PRKD2: variants seen among roughly 807,000 people sequenced by gnomAD.
PRKD2 encodes the protein serine/threonine-protein kinase D2.
PRKD2 carries 22 observed loss-of-function variants against 86.0 expected under a neutral mutation model. That is an observed-to-expected ratio of 0.26 (90% CI 0.18 to 0.37). The LOEUF (loss-of-function observed/expected upper bound fraction) is 0.37. PRKD2 is among the 10% of genes least tolerant of loss of function. PRKD2 has a pLI of 1.00. For missense variants in PRKD2, 818 were observed against 1,199.2 expected, an observed-to-expected ratio of 0.68 and a Z score of 4.70; for synonymous variants, 509 against 510.9, an observed-to-expected ratio of 1.00 and a Z score of 0.05.
intron 3 of PRKD2, among the ~76,000 whole-genome samples, chr19:46,706,762 C>T (rs1052198905): frequency 2.0e-5 from 3 of 151,974 alleles, no homozygotes; most frequent in Non-Finnish European, 2.9e-5. Context: ...GGTGTGTGGA[C>T]GATGGCAATA....
intron 16 of PRKD2, among the ~76,000 whole-genome samples, chr19:46,675,610 A>C (rs180705619): frequency 1.3e-5 from 2 of 152,160 alleles, no homozygotes; most frequent in Non-Finnish European, 2.9e-5. Flanking sequence ...TGTCCTGCTA[A>C]CTTTTTGTAT....
chr19:46,703,958 A>ACACAC (rs1555830818), intron 5 of PRKD2, among the ~76,000 whole-genome samples: 9 of 133,658 alleles, frequency 6.7e-5, no homozygotes, highest in African/African-American at 2.3e-4. Flanking sequence ...AAACAACAAC[A>ACACAC]ACACACACAC....
At chr19:46,703,858 C>T (rs1391944881) in intron 5 of PRKD2, among the ~76,000 whole-genome samples, 3 of 151,312 alleles carry the variant, frequency 2.0e-5, no homozygotes, top group Non-Finnish European at 2.9e-5. Flanking sequence ...GCAGGAGGAT[C>T]ACTTGAACCC....
At chr19:46,697,348 C>T (rs79552142) in intron 8 of PRKD2, 114 bp from the exon 9 acceptor site, 18,174 of 756,416 alleles carry the variant, frequency 0.024, 336 homozygotes, top group Middle Eastern at 0.04. Flanking sequence ...CGCCGTAACT[C>T]TAGCACCTAC....
At chr19:46,687,563 G>A (rs564973385) in intron 14 of PRKD2, among the ~76,000 whole-genome samples, 74 of 152,292 alleles carry the variant, frequency 4.9e-4, no homozygotes, top group African/African-American at 1.8e-3. Flanking sequence ...AACCATAAAA[G>A]GGGATTGATA....
At chr19:46,710,843 A>G (rs1414758542) in intron 3 of PRKD2, 64 bp downstream of exon 3, 2 of 1,482,250 alleles carry the variant, frequency 1.3e-6, no homozygotes, top group South Asian at 1.3e-5. Flanking sequence ...TGCCAGGACC[A>G]TTACGCTCCG....
intron 15 of PRKD2, among the ~76,000 whole-genome samples, chr19:46,679,194 T>C (rs758120871): frequency 4.0e-5 from 6 of 151,800 alleles, no homozygotes; most frequent in Admixed American, 1.3e-4. Context: ...AATACAAAAA[T>C]TAGCACACGC....
rs567837348 is a variant in PRKD2 at position 46,713,734 on chromosome 19, G to A, written c.379+129C>T. Reference sequence around the variant, plus strand: ...CCCAGCTCCAGCTCAGCCTCCCAAAGTGCTGGGATCACAGGCGTGAGCCAC... The same window carrying A: ...CCCAGCTCCAGCTCAGCCTCCCAAAATGCTGGGATCACAGGCGTGAGCCAC... On this transcript the variant is annotated intron_variant, in intron 2 of 17. Transcript: ENST00000291281. The A allele has an allele frequency of 6.2e-5, 56 of 907,564 alleles. 2 individuals carry two copies. In the South Asian group the frequency reaches 9.7e-4, roughly 16 times the overall value. The allele number at this position is 907,564 out of a possible 1,614,324, so 56.2% of individuals were successfully genotyped here.
In PRKD2 at chr19:46,678,418, G is replaced by A. The variant is rs771497654; in HGVS notation, c.2316C>T (p.Pro772=). The A allele has an allele frequency of 1.2e-6, 2 of 1,613,956 alleles. No individual in the cohort carries two copies. The highest frequency in any genetic ancestry group is 1.7e-6 in the Non-Finnish European group (2 of 1,180,016). ...CACCTCCAGCTGAGATGTGGCTCCA[G>A]GGGCTGGCCGGGTACATGAAGGCGG... ...QNAAFMYPAS[P]WSHISAGAID... is the part of the protein sequence containing the mutation. Residue 772 remains proline, a synonymous_variant, in exon 16 of 18, where the codon CCC becomes CCT. Coordinates refer to ENST00000291281, the MANE Select transcript of PRKD2 (RefSeq NM_016457.5). This position sits in a 1 kb window ranked among gnomAD's most constrained non-coding sequence, Gnocchi z 5.7.
chr19:46,712,780 C>A (rs892991691), intron 2 of PRKD2, among the ~76,000 whole-genome samples: 1 of 152,156 alleles, frequency 6.6e-6, no homozygotes, highest in African/African-American at 2.4e-5. Context: ...AAGGCAGCTG[C>A]CCCCACCCTC....
rs769193163 is a variant in PRKD2, at chr19:46,704,373, G to T, written c.685C>A (p.Leu229Ile). The T allele has an allele frequency of 6.2e-7, 1 of 1,613,950 alleles. No individual in the cohort carries two copies. Among genetic ancestry groups the T allele is most frequent in the African/African-American group, 1.3e-5 (1 of 74,944 alleles). The change falls in exon 5 of 18, where the codon CTC (leucine) becomes ATC (isoleucine). Residue 229 changes from leucine (L) to isoleucine (I), a missense_variant. This residue lies in a region of PRKD2 where 403 missense variants were observed against 518.6 expected (regional missense o/e 0.78). Coordinates refer to ENST00000291281, the MANE Select transcript of PRKD2 (RefSeq NM_016457.5). ...AEELSRSTTE[L>I]LPRRPPSSSS... ...GATGACGGGGGACGGCGAGGCAGGAGTTCGGTGGTGCTACGGCTCTGTCGT... is the reference window on the plus strand; with the variant it reads ...GATGACGGGGGACGGCGAGGCAGGATTTCGGTGGTGCTACGGCTCTGTCGT...
intron 14 of PRKD2, chr19:46,689,111 G>A (rs574519615): frequency 7.0e-6 from 1 of 142,282 alleles, no homozygotes; most frequent in Admixed American, 7.0e-5. Context: ...GTACGATTAT[G>A]GTTCCTTTTT....
intron 11 of PRKD2, 29 bp from the exon 12 acceptor site, chr19:46,691,836 G>C (rs759716381): frequency 1.9e-5 from 31 of 1,613,520 alleles, no homozygotes; most frequent in Non-Finnish European, 2.5e-5. Context: ...GCAGGTCAGG[G>C]GTGCAAATGG....
chr19:46,697,139 G>GA lies in PRKD2; in HGVS notation c.1317+17dup. 3 of 1,546,148 alleles carry GA rather than the reference G, an allele frequency of 1.9e-6. No homozygotes were observed. The highest frequency in any genetic ancestry group is 1.8e-6 in the Non-Finnish European group (2 of 1,118,300). On this transcript the variant is annotated intron_variant, in intron 9 of 17. Coordinates refer to ENST00000291281, the MANE Select transcript of PRKD2 (RefSeq NM_016457.5). ...GCACAGCGGGAAGTCCGAGGGAGCTGAAAGCCCGGAGGCTTACCTTATAGT... is the reference window on the plus strand; with the variant it reads ...GCACAGCGGGAAGTCCGAGGGAGCTGAAAAGCCCGGAGGCTTACCTTATAGT...
At chr19:46,711,784 T>C (rs965360421) in intron 2 of PRKD2, among the ~76,000 whole-genome samples, 15 of 152,176 alleles carry the variant, frequency 9.9e-5, no homozygotes, top group African/African-American at 3.4e-4. Context: ...AGAACATGGA[T>C]AGGCGGTGCC....
chr19:46,691,005 C>A (rs1329175196), intron 12 of PRKD2, among the ~76,000 whole-genome samples: 1 of 152,120 alleles, frequency 6.6e-6, no homozygotes, highest in Non-Finnish European at 1.5e-5. Context: ...CCGTAAGAGT[C>A]CTGGGGACAG....
At position 46,704,565 on chromosome 19, in the gene PRKD2, G is replaced by A. The variant is rs775746699; in HGVS notation, c.596C>T (p.Thr199Met). 19 of 1,614,026 alleles carry A rather than the reference G, an allele frequency of 1.2e-5. No individual in the cohort carries two copies. Among genetic ancestry groups the A allele is most frequent in the East Asian group, 2.2e-5 (1 of 44,898 alleles). ...CACCGAGTGGCCACTGGCCAGAGAC[G>A]TGGATGACAGGCGCCGTTTGCGGGC... ...SGARKRRLSS[T>M]SLASGHSVRL... is the part of the protein sequence containing the mutation. Residue 199 changes from threonine (T) to methionine (M), a missense_variant, in exon 4 of 18, where the codon ACG (threonine) becomes ATG (methionine). Physicochemically the swap from Thr to Met is moderately conservative, Grantham distance 81. Coordinates refer to ENST00000291281, the MANE Select transcript of PRKD2 (RefSeq NM_016457.5).
At position 46,717,081 on chromosome 19, in the gene PRKD2, T is replaced by TCGG. The variant is rs537848612; in HGVS notation, c.-714_-712dup. 12,875 of 153,284 alleles carry TCGG rather than the reference T, an allele frequency of 0.084. 765 individuals carry two copies. Among genetic ancestry groups the TCGG allele is most frequent in the Non-Finnish European group, 0.13 (8,912 of 69,102 alleles). The allele number at this position is 153,284 out of a possible 1,614,324, so 9.5% of individuals were successfully genotyped here. A position where few individuals can be genotyped will look rare whatever the true frequency, so the allele number is the denominator to read the frequency against. On this transcript the variant is annotated 5_prime_UTR_variant, in exon 1 of 18. Coordinates refer to ENST00000291281, the MANE Select transcript of PRKD2 (RefSeq NM_016457.5). ...TCTTTTTCCCCCTCCAAAGTTTAAG[T>TCGG]CGGCGGCGGCGGCGGCGGCCCAGGA...
chr19:46,710,965 G>A lies in PRKD2; in HGVS notation c.453C>T (p.Phe151=), dbSNP rs755581255. The A allele has an allele frequency of 4.4e-6, 7 of 1,576,720 alleles. No individual in the cohort carries two copies. Among genetic ancestry groups the A allele is most frequent in the East Asian group, 2.3e-5 (1 of 42,912 alleles). Residue 151 remains phenylalanine, a synonymous_variant, in exon 3 of 18, where the codon TTC becomes TTT. Coordinates refer to ENST00000291281, the MANE Select transcript of PRKD2 (RefSeq NM_016457.5). ...AGAGCATCTCCCCGCAGTGATCACA[G>A]AAGGCAGGCGCCCGATAGGAGTGCA... ...LTVHSYRAPA[F]CDHCGEMLFG...
Sources: allele counts gnomAD v4.1 joint callset (sites outside exome capture counted in the v4.1 genomes callset), GRCh38; gene constraint gnomAD v4.1.1; regional missense constraint gnomAD v4.1.1; non-coding constraint Gnocchi (gnomAD v3.1); transcripts MANE v1.5; gene names NCBI Gene and HGNC (gene_info 2026-07-23, HGNC 2026-07-21).